Variants in IFIH1 observed in about 807,000 individuals in gnomAD.
IFIH1 encodes interferon induced with helicase C domain 1.
In IFIH1, 125 loss-of-function variants were observed where a neutral mutation model predicts 107.4. That is an observed-to-expected ratio of 1.16 (90% CI 1.01 to 1.35). The LOEUF (loss-of-function observed/expected upper bound fraction) is 1.35, where lower values mean the gene tolerates loss of function less well. Ranked by LOEUF, IFIH1 falls within the 40% of genes most tolerant of loss-of-function variation. IFIH1 has a pLI of 0.00. For missense variants in IFIH1, 1,333 were observed against 1,213.7 expected, an observed-to-expected ratio of 1.10 and a Z score of -1.46; for synonymous variants, 458 against 413.2, an observed-to-expected ratio of 1.11 and a Z score of -1.31.
intron 3 of IFIH1, among the ~76,000 whole-genome samples, chr2:162,297,473 T>C (rs888919447): frequency 6.6e-6 from 1 of 152,168 alleles, no homozygotes; most frequent in Non-Finnish European, 1.5e-5. Flanking sequence ...ATTAACCTTC[T>C]GTTTTAAAAA....
intron 4 of IFIH1, 79 bp from the exon 5 acceptor site, chr2:162,288,434 C>T: frequency 1.0e-6 from 1 of 1,000,608 alleles, no homozygotes; most frequent in Non-Finnish European, 1.5e-6. Context: ...TGAACGTAGG[C>T]CTCTTGTGCT....
At position 162,281,197 on chromosome 2, in the gene IFIH1, T is replaced by C. The variant is rs552346649; in HGVS notation, c.1524+131A>G. Reference sequence around the variant, plus strand: ...TGTAGAAGACTGAGTATATTTATTGTACTAAAGCAAACAGATTTCACTTAA... The same window carrying C: ...TGTAGAAGACTGAGTATATTTATTGCACTAAAGCAAACAGATTTCACTTAA... On this transcript the variant is annotated intron_variant, in intron 7 of 15. Coordinates refer to ENST00000649979, the MANE Select transcript of IFIH1 (RefSeq NM_022168.4). The C allele has an allele frequency of 6.2e-6, 4 of 646,870 alleles. 1 individual carries two copies. Among genetic ancestry groups the C allele is most frequent in the African/African-American group, 3.7e-5 (2 of 54,438 alleles). The allele number at this position is 646,870 out of a possible 1,614,324, so 40.1% of individuals were successfully genotyped here.
chr2:162,318,273 C>A lies in IFIH1; in HGVS notation c.35G>T (p.Arg12Leu), dbSNP rs1227597886. The A allele has an allele frequency of 3.7e-6, 6 of 1,613,734 alleles. No homozygotes were observed. The South Asian group carries it at 6.6e-5, about 18-fold the overall frequency. Reference sequence around the variant, plus strand: ...GGCCCTGAAGCACGAGATGAGATAGCGGAAATTCTCGTCTGTGGAATACCC... The same window carrying A: ...GGCCCTGAAGCACGAGATGAGATAGAGGAAATTCTCGTCTGTGGAATACCC... ...SNGYSTDENF[R>L]YLISCFRARV... The change falls in exon 1 of 16, where the codon CGC (arginine) becomes CTC (leucine). Residue 12 changes from arginine (R) to leucine (L), a missense_variant. By Grantham distance (102) the Arg-to-Leu change is moderately radical (BLOSUM62 -2). Transcript: ENST00000649979.
chr2:162,267,815 T>C (rs1690955776), intron 14 of IFIH1, among the ~76,000 whole-genome samples: 1 of 152,224 alleles, frequency 6.6e-6, no homozygotes, highest in African/African-American at 2.4e-5. Flanking sequence ...TTAACTTGAC[T>C]TTAGTTGTTC....
intron 2 of IFIH1, among the ~76,000 whole-genome samples, chr2:162,307,846 C>T (rs1683313909): frequency 6.6e-6 from 1 of 152,110 alleles, no homozygotes; most frequent in Non-Finnish European, 1.5e-5. Context: ...ATTTTGCACT[C>T]ACAATATAAA....
At chr2:162,292,484 G>GA (rs1220263519) in intron 4 of IFIH1, among the ~76,000 whole-genome samples, 1 of 151,648 alleles carries the variant, frequency 6.6e-6, no homozygotes, top group African/African-American at 2.4e-5. Context: ...AAGGATATAT[G>GA]AAAAAAGAGG....
chr2:162,310,728 G>A (rs764765724), intron 2 of IFIH1, 37 bp downstream of exon 2: 2 of 1,566,782 alleles, frequency 1.3e-6, no homozygotes, highest in Non-Finnish European at 1.8e-6. Flanking sequence ...TCACTAGGCA[G>A]AATTTGAAGA....
chr2:162,298,051 A>G (rs1683125143), intron 3 of IFIH1, among the ~76,000 whole-genome samples: 1 of 152,158 alleles, frequency 6.6e-6, no homozygotes, highest in South Asian at 2.1e-4. Context: ...TAAAATATTC[A>G]AACCAAAAAA....
chr2:162,284,512 T>A (rs1325937206), intron 5 of IFIH1, among the ~76,000 whole-genome samples: 3 of 151,994 alleles, frequency 2.0e-5, no homozygotes, highest in African/African-American at 7.2e-5. Flanking sequence ...CCAATCCTTT[T>A]ATTCTAGAAG....
At position 162,288,146 on chromosome 2, in the gene IFIH1, G is replaced by C. The variant is rs1371494409; in HGVS notation, c.1084C>G (p.Leu362Val). ...TGTTCTTTGAATACCTTATTGACAA[G>C]AACTATAACTTTTCCAGGCTCAGAT... is the stretch of plus-strand genomic sequence containing the variant. ...KASEPGKVIVLVNKVLLVEQL... is the reference protein window; with the variant it reads ...KASEPGKVIVVVNKVLLVEQL... Residue 362 changes from leucine (L) to valine (V), a missense_variant, in exon 5 of 16, where the codon CTT (leucine) becomes GTT (valine). Coordinates refer to ENST00000649979, the MANE Select transcript of IFIH1 (RefSeq NM_022168.4). 6.2e-7 allele frequency: 1 copy of C among 1,607,006 alleles called. No individual in the cohort carries two copies. The highest frequency in any genetic ancestry group is 8.5e-7 in the Non-Finnish European group (1 of 1,174,896).
intron 4 of IFIH1, among the ~76,000 whole-genome samples, chr2:162,290,531 G>A (rs1682978870): frequency 6.6e-6 from 1 of 151,764 alleles, no homozygotes; most frequent in Admixed American, 6.6e-5. Context: ...TACTTAAGTA[G>A]GCATGTACCA....
intron 1 of IFIH1, among the ~76,000 whole-genome samples, chr2:162,311,508 T>C (rs747542008): frequency 2.0e-5 from 3 of 151,388 alleles, no homozygotes; most frequent in Non-Finnish European, 4.4e-5. Flanking sequence ...CAAATTTGTG[T>C]TTTTTTAATG....
chr2:162,289,340 A>G (rs1682955211), intron 4 of IFIH1, among the ~76,000 whole-genome samples: 1 of 151,712 alleles, frequency 6.6e-6, no homozygotes, highest in Non-Finnish European at 1.5e-5. Context: ...TAGATAGAAT[A>G]TATTTTATTT....
At chr2:162,267,984 TA>T in intron 14 of IFIH1, 102 bp downstream of exon 14, 1 of 748,316 alleles carries the variant, frequency 1.3e-6, no homozygotes, top group Non-Finnish European at 2.1e-6. Context: ...GAGGAAGTTG[TA>T]AAATAAATGA....
Position 162,267,316 on chromosome 2 carries a change from C to T in IFIH1, c.2962G>A (p.Val988Ile), listed in dbSNP as rs74162090. 10 of 1,612,730 alleles carry T rather than the reference C, an allele frequency of 6.2e-6. No individual in the cohort carries two copies. The highest frequency in any genetic ancestry group is 8.5e-6 in the Non-Finnish European group (10 of 1,179,688). The change falls in exon 16 of 16, where the codon GTA (valine) becomes ATA (isoleucine). Residue 988 changes from valine (V) to isoleucine (I), a missense_variant. Transcript: ENST00000649979. The part of the protein sequence containing the change: ...DLPCLKIRNF[V>I]VVFKNNSTKK... ...GTTGAATTATTTTTGAAAACCACTA[C>T]AAAATTCCTTATTTTGAGACAAGGC... is the stretch of plus-strand genomic sequence containing the variant.
chr2:162,316,137 A>G (rs1683486686), intron 1 of IFIH1, among the ~76,000 whole-genome samples: 1 of 152,208 alleles, frequency 6.6e-6, no homozygotes, highest in South Asian at 2.1e-4. Flanking sequence ...GGCAAGACAA[A>G]AGTGATGCTG....
In IFIH1 at chr2:162,318,070, C is replaced by A. The variant is rs1399804304; in HGVS notation, c.238G>T (p.Val80Leu). Residue 80 changes from valine to leucine, a missense_variant, in exon 1 of 16, where the codon GTG becomes TTG. Val to Leu is a conservative substitution (Grantham distance 32). Coordinates refer to ENST00000649979, the MANE Select transcript of IFIH1 (RefSeq NM_022168.4). Reference sequence around the variant, plus strand: ...CTGCCGGTTCTCCGGAGGGCCTCCACGAATTCCCGAGTCCAACCAAGGTGC... The same window carrying A: ...CTGCCGGTTCTCCGGAGGGCCTCCAAGAATTCCCGAGTCCAACCAAGGTGC... ...VWHLGWTREFVEALRRTGSPL... is the reference protein window; with the variant it reads ...VWHLGWTREFLEALRRTGSPL... 6.2e-7 allele frequency: 1 copy of A among 1,614,170 alleles called. No homozygotes were observed. The highest frequency in any genetic ancestry group is 2.2e-5 in the East Asian group (1 of 44,868).
chr2:162,308,228 C>G (rs1683323502), intron 2 of IFIH1, among the ~76,000 whole-genome samples: 1 of 151,992 alleles, frequency 6.6e-6, no homozygotes, highest in Non-Finnish European at 1.5e-5. Flanking sequence ...GATGAGGACT[C>G]TCTCCTTGAT....
chr2:162,300,731 G>T (rs972043524), intron 3 of IFIH1, among the ~76,000 whole-genome samples: 2 of 152,170 alleles, frequency 1.3e-5, no homozygotes, highest in Admixed American at 6.5e-5. Context: ...AACCAGTCCT[G>T]ATATAGCATG....
Sources: allele counts gnomAD v4.1 joint callset (sites outside exome capture counted in the v4.1 genomes callset), GRCh38; gene constraint gnomAD v4.1.1; transcripts MANE v1.5; gene names NCBI Gene and HGNC (gene_info 2026-07-23, HGNC 2026-07-21).